MXRA7: variants seen among roughly 807,000 people sequenced by gnomAD.
MXRA7 encodes matrix remodeling associated 7.
MXRA7 carries 18 observed loss-of-function variants against 17.4 expected under a neutral mutation model. The observed-to-expected ratio is 1.03, with a 90% CI of 0.71 to 1.53. The LOEUF (loss-of-function observed/expected upper bound fraction) is 1.53, where lower values mean the gene tolerates loss of function less well. Among genes scored for constraint, MXRA7 ranks in the 40% most tolerant of loss-of-function variants. MXRA7 has a pLI of 0.00. For synonymous variants in MXRA7, 70 were observed against 101.7 expected, an observed-to-expected ratio of 0.69 and a Z score of 1.87; for missense variants, 141 against 209.3, an observed-to-expected ratio of 0.67 and a Z score of 2.01.
rs769793803 is a variant in MXRA7 at position 76,685,172 on chromosome 17, A to C, written c.407-7T>G. On this transcript the variant is annotated splice_polypyrimidine_tract_variant and splice_region_variant and intron_variant, in intron 2 of 3. Coordinates refer to ENST00000449428, the MANE Select transcript of MXRA7 (RefSeq NM_198530.4). ...TTGAAGGAGAAGCCTTCTCCTGTGG[A>C]GGGGGGACCCAGTAAGTGCCAGGAG... The C allele has an allele frequency of 3.1e-6, 5 of 1,611,012 alleles. No individual in the cohort carries two copies. The African/African-American group carries it at 6.7e-5, about 22-fold the overall frequency.
Position 76,710,784 on chromosome 17 carries a change from C to G in MXRA7, c.163G>C (p.Ala55Pro). The G allele has an allele frequency of 8.1e-6, 8 of 982,796 alleles. No homozygotes were observed. The highest frequency in any genetic ancestry group is 9.8e-6 in the Non-Finnish European group (8 of 813,692). The allele number at this position is 982,796 out of a possible 1,614,324, so 60.9% of individuals were successfully genotyped here. ...TCGGGGGCGCAGGGGCGGGACGGCGCCGGGGCCCCGGTGGCCTCGGCCGGG... is the reference window on the plus strand; with the variant it reads ...TCGGGGGCGCAGGGGCGGGACGGCGGCGGGGCCCCGGTGGCCTCGGCCGGG... ...APPAEATGAPAPSRPCAPEPA... is the reference protein window; with the variant it reads ...APPAEATGAPPPSRPCAPEPA... The change falls in exon 1 of 4, where the codon GCG becomes CCG. Residue 55 changes from alanine to proline, a missense_variant. Around this residue, in one of 3 missense-constraint regions of MXRA7, gnomAD observed 72 missense variants for 111.9 expected, o/e 0.64. Coordinates refer to ENST00000449428, the MANE Select transcript of MXRA7 (RefSeq NM_198530.4).
intron 2 of MXRA7, 65 bp downstream of exon 2, chr17:76,688,048 C>T: frequency 6.5e-7 from 1 of 1,539,108 alleles, no homozygotes; most frequent in Admixed American, 1.7e-5. Context: ...CCTGTGATCC[C>T]CAGCAGGACA....
intron 1 of MXRA7, among the ~76,000 whole-genome samples, chr17:76,700,200 G>A (rs2076575196): frequency 6.6e-6 from 1 of 152,180 alleles, no homozygotes; most frequent in Admixed American, 6.5e-5. Context: ...TCGAACTCCT[G>A]ACCTCAGGTG....
intron 2 of MXRA7, among the ~76,000 whole-genome samples, chr17:76,686,678 C>A (rs552776081): frequency 6.6e-6 from 1 of 152,296 alleles, no homozygotes; most frequent in South Asian, 2.1e-4. Flanking sequence ...AACGTGACAG[C>A]CTCCGAGGGA....
At chr17:76,689,697 C>T (rs1014181701) in intron 1 of MXRA7, 3 of 152,030 alleles carry the variant, frequency 2.0e-5, no homozygotes, top group African/African-American at 4.8e-5. Flanking sequence ...TGACTCTGAC[C>T]GCGTGCAGTT....
chr17:76,689,277 G>A (rs993178339), intron 1 of MXRA7: 2 of 152,194 alleles, frequency 1.3e-5, no homozygotes, highest in Non-Finnish European at 2.9e-5. Context: ...GTTTTCAGTA[G>A]AGATGGCATG....
intron 1 of MXRA7, among the ~76,000 whole-genome samples, chr17:76,692,355 G>C (rs1427585811): frequency 1.3e-5 from 2 of 151,774 alleles, no homozygotes; most frequent in African/African-American, 4.8e-5. Flanking sequence ...CCAGGTTCAA[G>C]CGACTCTCCT....
At chr17:76,682,391 C>A (rs1300456778) in intron 3 of MXRA7, among the ~76,000 whole-genome samples, 1 of 152,058 alleles carries the variant, frequency 6.6e-6, no homozygotes, top group Non-Finnish European at 1.5e-5. Context: ...GAGAGAGCAC[C>A]CTGCTAGCTG....
At chr17:76,682,998 T>C (rs928337681) in intron 3 of MXRA7, among the ~76,000 whole-genome samples, 1 of 151,890 alleles carries the variant, frequency 6.6e-6, no homozygotes, top group Non-Finnish European at 1.5e-5. Flanking sequence ...GGGGAAGGGA[T>C]TTTCCCTCCC....
At chr17:76,692,534 T>C (rs1192841956) in intron 1 of MXRA7, among the ~76,000 whole-genome samples, 1 of 151,654 alleles carries the variant, frequency 6.6e-6, no homozygotes, top group Non-Finnish European at 1.5e-5. Context: ...ATTACAGGTG[T>C]GGGCCACCGC....
chr17:76,682,054 G>A (rs753314141), intron 3 of MXRA7, among the ~76,000 whole-genome samples: 25 of 152,208 alleles, frequency 1.6e-4, no homozygotes, highest in African/African-American at 3.1e-4. Flanking sequence ...AGACCTGACC[G>A]CTTTCTGGCC....
At chr17:76,688,857 G>C in intron 1 of MXRA7, 1 of 396,786 alleles carries the variant, frequency 2.5e-6, no homozygotes, top group Non-Finnish European at 4.3e-6. Flanking sequence ...GGAGCCCCAG[G>C]AACTTCAACT....
chr17:76,688,275 G>A (rs541853212), intron 1 of MXRA7, 99 bp from the exon 2 acceptor site: 171 of 1,553,706 alleles, frequency 1.1e-4, no homozygotes, highest in Admixed American at 5.9e-4. Flanking sequence ...GCCCTCGAAG[G>A]TCCAGCCTGC....
At chr17:76,697,510 G>A (rs2143654398) in intron 1 of MXRA7, among the ~76,000 whole-genome samples, 1 of 152,352 alleles carries the variant, frequency 6.6e-6, no homozygotes, top group Admixed American at 6.5e-5. Flanking sequence ...GCGTCACCCT[G>A]GCTGGTCCCC....
intron 2 of MXRA7, among the ~76,000 whole-genome samples, chr17:76,687,190 C>T (rs1431668497): frequency 6.6e-6 from 1 of 152,136 alleles, no homozygotes; most frequent in East Asian, 1.9e-4. Context: ...ACTAATGTCC[C>T]CACCTGCAGC....
chr17:76,705,039 A>T (rs2076640895), intron 1 of MXRA7, among the ~76,000 whole-genome samples: 1 of 152,174 alleles, frequency 6.6e-6, no homozygotes, highest in South Asian at 2.1e-4. Flanking sequence ...AGTGGGAAAG[A>T]GCGGGGCTAC....
At chr17:76,677,655 TTG>T, downstream of MXRA7, 1 of 1,613,970 alleles carries the variant, frequency 6.2e-7, no homozygotes, top group Non-Finnish European at 8.5e-7. Context: ...CGTCTCCTTG[TTG>T]TCTTTCATGA....
At chr17:76,701,624 G>A (rs1022682404) in intron 1 of MXRA7, among the ~76,000 whole-genome samples, 4 of 152,058 alleles carry the variant, frequency 2.6e-5, no homozygotes, top group Non-Finnish European at 5.9e-5. Flanking sequence ...TTCCAGCAGG[G>A]CAAAGAGCAG....
At chr17:76,706,178 G>GGCCCACGCTGCCATCACAGAA in intron 1 of MXRA7, among the ~76,000 whole-genome samples, 1 of 147,404 alleles carries the variant, frequency 6.8e-6, no homozygotes, top group East Asian at 2.0e-4. Context: ...CCGTCACAGA[G>GGCCCACGCTGCCATCACAGAA]GCCCACGCTG....
Sources: gnomAD v4.1 joint callset for allele counts (sites outside exome capture counted in the v4.1 genomes callset) on GRCh38, gnomAD v4.1.1 for gene constraint, gnomAD v4.1.1 regional missense constraint, MANE v1.5 for transcripts, NCBI Gene and HGNC (gene_info 2026-07-23, HGNC 2026-07-21) for gene names.